NPC1: variants seen among roughly 807,000 people sequenced by gnomAD.
NPC1 encodes the protein NPC intracellular cholesterol transporter 1.
In NPC1, 85 loss-of-function variants were observed where a neutral mutation model predicts 140.4. The observed-to-expected ratio is 0.61, with a 90% confidence interval of 0.51 to 0.72. The LOEUF is 0.72. NPC1 is among the 30% of genes least tolerant of loss of function. The pLI, the probability that NPC1 is intolerant of heterozygous loss-of-function variation, is 0.00. For synonymous variants in NPC1, 656 were observed against 624.8 expected (o/e 1.05, Z -0.74); for missense variants, 1,504 against 1,623.8 (o/e 0.93, Z 1.27).
At position 23,540,500 on chromosome 18, in the gene NPC1, G is replaced by T; in HGVS notation, c.2552C>A (p.Ala851Glu). ...TCCAATATCTACTTTGTTCAGGACTGCGATGCTGAATGACAGAACACCCAC... is the reference window on the plus strand; with the variant it reads ...TCCAATATCTACTTTGTTCAGGACTTCGATGCTGAATGACAGAACACCCAC... ...IFVGVLSFSI[A>E]VLNKVDIGLD... The change falls in exon 17 of 25, where the codon GCA becomes GAA. Residue 851 changes from alanine to glutamate, a missense_variant. Transcript: ENST00000269228. 1 of 1,612,754 alleles carries T rather than the reference G, an allele frequency of 6.2e-7. No homozygotes were observed. The highest frequency in any genetic ancestry group is 8.5e-7 in the Non-Finnish European group (1 of 1,179,266).
intron 10 of NPC1, among the ~76,000 whole-genome samples, chr18:23,549,432 G>A (rs149339610): frequency 1.3e-5 from 2 of 152,234 alleles, no homozygotes; most frequent in Non-Finnish European, 2.9e-5. Flanking sequence ...TAGGTCAGGA[G>A]TTCAAGACCA....
In NPC1 at chr18:23,531,457, TTTTGTA is replaced by T. The variant is rs2058503015; in HGVS notation, c.*739_*744del. The T allele has an allele frequency of 7.3e-7, 1 of 1,360,878 alleles. No individual in the cohort carries two copies. The highest frequency in any genetic ancestry group is 9.6e-7 in the Non-Finnish European group (1 of 1,037,610). 84.3% of individuals were successfully genotyped at this position (1,360,878 alleles called of 1,614,324 possible). On this transcript the variant is annotated 3_prime_UTR_variant, in exon 25 of 25. Coordinates refer to ENST00000269228, the MANE Select transcript of NPC1 (RefSeq NM_000271.5). ...TTAGATAGAATCTCTTCCATTTAGC[TTTTGTA>T]TTTGTCTCTCAAAGCAGATAGGGTA...
chr18:23,563,327 G>A (rs2059071759), intron 4 of NPC1, among the ~76,000 whole-genome samples: 1 of 152,234 alleles, frequency 6.6e-6, no homozygotes, highest in Admixed American at 6.5e-5. Context: ...AATGCTGCTA[G>A]AAGCATTTGT....
At chr18:23,560,987 G>A (rs2059030101) in intron 5 of NPC1, among the ~76,000 whole-genome samples, 1 of 152,198 alleles carries the variant, frequency 6.6e-6, no homozygotes, top group African/African-American at 2.4e-5. Flanking sequence ...TCTTCCTATT[G>A]TAGATTATGC....
In NPC1 at chr18:23,531,669, G is replaced by A; in HGVS notation, c.*533C>T. On this transcript the variant is annotated 3_prime_UTR_variant, in exon 25 of 25. Coordinates refer to ENST00000269228, the MANE Select transcript of NPC1 (RefSeq NM_000271.5). ...TGTTGCTTTTTTCAAACAGATTTTT[G>A]GAGACCAAGCTCTAATGAGGCCTAC... 1 of 1,613,282 alleles carries A rather than the reference G, an allele frequency of 6.2e-7. No homozygotes were observed. Among genetic ancestry groups the A allele is most frequent in the Non-Finnish European group, 8.5e-7 (1 of 1,179,866 alleles).
At chr18:23,528,033 G>GC, downstream of NPC1, 1 of 724,832 alleles carries the variant, frequency 1.4e-6, no homozygotes, top group South Asian at 1.9e-5. Flanking sequence ...CTGCCATAGG[G>GC]CAAGGTGGCA....
intron 1 of NPC1, chr18:23,576,728 G>T: frequency 6.3e-6 from 1 of 158,760 alleles, no homozygotes; most frequent in Non-Finnish European, 1.4e-5. Flanking sequence ...GACCTTCGCG[G>T]TGAGTGTTAC....
At chr18:23,520,289 C>A, downstream of NPC1, 1 of 1,614,004 alleles carries the variant, frequency 6.2e-7, no homozygotes, top group Non-Finnish European at 8.5e-7. Context: ...TCGATCGATC[C>A]AGCCCTATCA....
Position 23,533,489 on chromosome 18 carries a change from A to G in NPC1, c.3620T>C (p.Phe1207Ser), listed in dbSNP as rs764991360. 43 of 1,614,126 alleles carry G rather than the reference A, an allele frequency of 2.7e-5. No individual in the cohort carries two copies. Among genetic ancestry groups the G allele is most frequent in the Non-Finnish European group, 3.6e-5 (42 of 1,180,050 alleles). ...SVFSGITLTK[F>S]GGIVVLAFAK... ...AAAAGCCAACACCACAATCCCTCCA[A>G]ATTTTGTAAGTGTGATTCCACTGAA... The change falls in exon 24 of 25, where the codon TTT (phenylalanine) becomes TCT (serine). Residue 1207 changes from phenylalanine (F) to serine (S), a missense_variant. Coordinates refer to ENST00000269228, the MANE Select transcript of NPC1 (RefSeq NM_000271.5).
intron 19 of NPC1, 42 bp downstream of exon 19, chr18:23,539,313 T>A (rs766134632): frequency 3.4e-6 from 5 of 1,450,920 alleles, no homozygotes; most frequent in Middle Eastern, 3.5e-4. Context: ...AATTTGAAAA[T>A]TTTTCAGCAA....
chr18:23,554,723 A>G (rs1365861696), intron 9 of NPC1, 35 bp downstream of exon 9: 1 of 1,539,418 alleles, frequency 6.5e-7, no homozygotes, highest in African/African-American at 1.4e-5. Flanking sequence ...AGACCCAAGA[A>G]TGGTGTCTAC....
chr18:23,516,356 G>C (rs770250549), intron 3 of NPC1: 36 of 1,614,088 alleles, frequency 2.2e-5, no homozygotes, highest in African/African-American at 6.7e-5. Flanking sequence ...ATTTGAGATT[G>C]AATTACCAGC....
At chr18:23,520,252 T>C (rs1338655129), downstream of NPC1, 3 of 1,614,032 alleles carry the variant, frequency 1.9e-6, no homozygotes, top group African/African-American at 4.0e-5. Flanking sequence ...ACGGCTCCGT[T>C]ACCTTCCACC....
chr18:23,526,759 T>A (rs748172492), downstream of NPC1: 5 of 1,613,972 alleles, frequency 3.1e-6, no homozygotes, highest in Non-Finnish European at 3.4e-6. Context: ...GTCTGTCTGT[T>A]CACAGAGTAA....
At chr18:23,545,767 A>T (rs954711047) in intron 11 of NPC1, among the ~76,000 whole-genome samples, 9 of 152,040 alleles carry the variant, frequency 5.9e-5, no homozygotes, top group Non-Finnish European at 1.0e-4. Flanking sequence ...AATTTTAAAA[A>T]TTTTTTGTAG....
chr18:23,557,748 CAA>C (rs1485351320), intron 6 of NPC1, among the ~76,000 whole-genome samples: 2 of 110,328 alleles, frequency 1.8e-5, no homozygotes, highest in African/African-American at 6.3e-5. Flanking sequence ...CTCAAAAAAA[CAA>C]ACAAACAAAC....
At chr18:23,544,316 T>C in intron 13 of NPC1, 28 bp downstream of exon 13, 2 of 1,609,300 alleles carry the variant, frequency 1.2e-6, no homozygotes, top group Non-Finnish European at 1.7e-6. Flanking sequence ...GAACAGATGC[T>C]GAGCCCTGTG....
At chr18:23,558,946 C>T (rs531620753) in intron 6 of NPC1, among the ~76,000 whole-genome samples, 7 of 151,712 alleles carry the variant, frequency 4.6e-5, no homozygotes, top group African/African-American at 1.2e-4. Context: ...TTGTTCAATT[C>T]CCACCTATGA....
intron 14 of NPC1, among the ~76,000 whole-genome samples, chr18:23,542,362 G>A (rs2058725226): frequency 6.6e-6 from 1 of 151,618 alleles, no homozygotes; most frequent in Non-Finnish European, 1.5e-5. Flanking sequence ...AGCTAGCAGT[G>A]TATCTGTGGT....
Sources: allele counts gnomAD v4.1 joint callset (sites outside exome capture counted in the v4.1 genomes callset), GRCh38; gene constraint gnomAD v4.1.1; transcripts MANE v1.5; gene names NCBI Gene and HGNC (gene_info 2026-07-23, HGNC 2026-07-21).